The following DNAAF11 variants were observed in gnomAD, a reference collection of about 807,000 sequenced individuals.
DNAAF11 encodes the protein dynein axonemal assembly factor 11, also known as leucine rich repeat containing 6.
In DNAAF11, 45 loss-of-function variants were observed where a neutral mutation model predicts 60.8. The observed-to-expected ratio is 0.74, with a 90% CI of 0.58 to 0.95. The LOEUF is 0.95. Among genes scored for constraint, DNAAF11 ranks in the 40% least tolerant of loss-of-function variants. DNAAF11 has a pLI of 0.00. For synonymous variants in DNAAF11, 191 were observed against 183.5 expected, an observed-to-expected ratio of 1.04 and a Z score of -0.33; for missense variants, 546 against 546.2, an observed-to-expected ratio of 1.00 and a Z score of 0.00.
At chr8:132,685,698 G>GT in the DNAAF11 span, among the ~76,000 whole-genome samples, 1 of 152,166 alleles carries the variant, frequency 6.6e-6, no homozygotes. Context: ...AGAGAGAATC[G>GT]TATTTTCAAG....
chr8:132,659,910 TC>T (rs1378436138), intron 2 of DNAAF11, among the ~76,000 whole-genome samples: 1 of 152,104 alleles, frequency 6.6e-6, no homozygotes, highest in Non-Finnish European at 1.5e-5. Context: ...TAGCATCCTC[TC>T]CCCATCCTCC....
intron 10 of DNAAF11, among the ~76,000 whole-genome samples, chr8:132,598,629 G>T (rs1210347701): frequency 6.6e-6 from 1 of 152,056 alleles, no homozygotes; most frequent in East Asian, 1.9e-4. Context: ...TTGTGCAGTG[G>T]GTATACATGT....
At chr8:132,601,374 A>C (rs1228148553) in intron 10 of DNAAF11, among the ~76,000 whole-genome samples, 1 of 152,174 alleles carries the variant, frequency 6.6e-6, no homozygotes, top group East Asian at 1.9e-4. Context: ...GTGATTCTTC[A>C]AGGATCTAGA....
At chr8:132,629,580 C>A (rs1820609472) in intron 5 of DNAAF11, among the ~76,000 whole-genome samples, 1 of 152,024 alleles carries the variant, frequency 6.6e-6, no homozygotes, top group Non-Finnish European at 1.5e-5. Flanking sequence ...ATCTCCTGAC[C>A]TCGTGATCCG....
At chr8:132,669,183 T>TCCTGCATG (rs1206876941) in intron 1 of DNAAF11, among the ~76,000 whole-genome samples, 1 of 152,120 alleles carries the variant, frequency 6.6e-6, no homozygotes, top group East Asian at 1.9e-4. Flanking sequence ...CTAATAAACC[T>TCCTGCATG]CCTGCATGCT....
At chr8:132,586,837 C>T (rs1815955914) in intron 10 of DNAAF11, among the ~76,000 whole-genome samples, 1 of 152,134 alleles carries the variant, frequency 6.6e-6, no homozygotes, top group South Asian at 2.1e-4. Flanking sequence ...TCTTCCCTCC[C>T]TTTCCAGGTG....
chr8:132,649,266 GA>G lies in DNAAF11; in HGVS notation c.256+7563del, dbSNP rs1822745801. On this transcript the variant is annotated intron_variant, in intron 3 of 11. Coordinates refer to ENST00000620350, the MANE Select transcript of DNAAF11 (RefSeq NM_012472.6). ...AAACCTGACAAAAACAAGAAATGGG[GA>G]AAGGATTCCCTGTTTAATAAATGCT... 2.6e-5 allele frequency among the ~76,000 whole-genome samples: 4 copies of G among 152,192 alleles called. No homozygotes were observed. The South Asian group carries it at 8.3e-4, about 32-fold the overall frequency.
intron 5 of DNAAF11, among the ~76,000 whole-genome samples, chr8:132,629,745 T>A (rs770441346): frequency 1.3e-5 from 2 of 152,008 alleles, no homozygotes; most frequent in Non-Finnish European, 2.9e-5. Flanking sequence ...AGGAAAAAAA[T>A]TTTCAAGTTA....
chr8:132,669,922 C>G (rs1328970067), intron 1 of DNAAF11, among the ~76,000 whole-genome samples: 1 of 114,160 alleles, frequency 8.8e-6, no homozygotes, highest in African/African-American at 3.3e-5. Flanking sequence ...GCCTGGGTGA[C>G]AGAGCAAGAC....
At chr8:132,646,118 T>A (rs866818683) in intron 3 of DNAAF11, among the ~76,000 whole-genome samples, 1 of 152,104 alleles carries the variant, frequency 6.6e-6, no homozygotes, top group Non-Finnish European at 1.5e-5. Flanking sequence ...AGGGAACCCA[T>A]CAGACTAACA....
At chr8:132,684,709 A>C in the DNAAF11 span, among the ~76,000 whole-genome samples, 2 of 152,228 alleles carry the variant, frequency 1.3e-5, no homozygotes, top group African/African-American at 4.8e-5. Context: ...CTCTTTGGTC[A>C]AGGACAAATT....
chr8:132,679,984 A>T (rs927416336), upstream of DNAAF11, among the ~76,000 whole-genome samples: 2 of 152,208 alleles, frequency 1.3e-5, no homozygotes, highest in Non-Finnish European at 2.9e-5. Context: ...GAAATCAGCA[A>T]TATCTTCTTT....
chr8:132,633,030 A>G lies in DNAAF11; in HGVS notation c.430-67T>C, dbSNP rs556463060. 5.4e-4 allele frequency: 538 copies of G among 1,002,144 alleles called. 7 individuals carry two copies. The South Asian group carries it at 7.3e-3, about 14-fold the overall frequency. 62.1% of individuals were successfully genotyped at this position (1,002,144 alleles called of 1,614,324 possible). A position where few individuals can be genotyped will look rare whatever the true frequency, so the allele number is the denominator to read the frequency against. ...AGCAGTGTGAATCAGCCCCAGGTTG[A>G]TTTTGATTAGAAATAATAATATACC... On this transcript the variant is annotated intron_variant, in intron 4 of 11. Coordinates refer to ENST00000620350, the MANE Select transcript of DNAAF11 (RefSeq NM_012472.6).
chr8:132,589,860 T>A (rs1816280493), intron 10 of DNAAF11, among the ~76,000 whole-genome samples: 1 of 152,196 alleles, frequency 6.6e-6, no homozygotes, highest in Non-Finnish European at 1.5e-5. Context: ...GTCATTTGCA[T>A]GAAATACAAT....
At chr8:132,653,000 C>G (rs1273090188) in intron 3 of DNAAF11, among the ~76,000 whole-genome samples, 1 of 151,732 alleles carries the variant, frequency 6.6e-6, no homozygotes, top group African/African-American at 2.4e-5. Context: ...ATAAAATGAA[C>G]AGGGATGAAA....
intron 8 of DNAAF11, among the ~76,000 whole-genome samples, chr8:132,612,129 T>A (rs1818726740): frequency 6.6e-6 from 1 of 152,144 alleles, no homozygotes; most frequent in Non-Finnish European, 1.5e-5. Flanking sequence ...GCTCCATGCC[T>A]TCCTGCTTTA....
At chr8:132,630,011 G>C (rs1038980700) in intron 5 of DNAAF11, among the ~76,000 whole-genome samples, 1 of 152,126 alleles carries the variant, frequency 6.6e-6, no homozygotes, top group African/African-American at 2.4e-5. Context: ...AATAAATAGA[G>C]CTCTTCCAAG....
rs936826224 is a variant in DNAAF11 at position 132,572,487 on chromosome 8, C to G, written c.1227-7G>C. The stretch of plus-strand genomic sequence containing the variant: ...TTTCTCCATGTGCTTGCTTCTATAA[C>G]AACAAAAAAAGACAAACAGAAACTG... On this transcript the variant is annotated splice_region_variant and splice_polypyrimidine_tract_variant and intron_variant, in intron 11 of 11. Transcript: ENST00000620350. The G allele has an allele frequency of 6.4e-7, 1 of 1,565,376 alleles. No homozygotes were observed. The highest frequency in any genetic ancestry group is 8.6e-7 in the Non-Finnish European group (1 of 1,158,326).
At chr8:132,614,892 T>C in intron 8 of DNAAF11, 146 bp downstream of exon 8, 2 of 499,406 alleles carry the variant, frequency 4.0e-6, no homozygotes, top group Non-Finnish European at 7.1e-6. Flanking sequence ...TTAAAAATTA[T>C]AGTAACTTCT....
Sources: gnomAD v4.1 joint callset for allele counts (sites outside exome capture counted in the v4.1 genomes callset) on GRCh38, gnomAD v4.1.1 for gene constraint, MANE v1.5 for transcripts, NCBI Gene and HGNC (gene_info 2026-07-23, HGNC 2026-07-21) for gene names.